Variants in TANC2 observed in about 807,000 individuals in gnomAD.
TANC2 encodes tetratricopeptide repeat, ankyrin repeat and coiled-coil containing 2.
In TANC2, 26 loss-of-function variants were observed where a neutral mutation model predicts 210.5. The ratio of observed to expected loss-of-function variants is 0.12; its 90% confidence interval spans 0.09 to 0.17. The LOEUF (loss-of-function observed/expected upper bound fraction) is 0.17. Ranked by LOEUF, TANC2 falls within the 10% of genes least tolerant of loss-of-function variation. The probability of loss-of-function intolerance (pLI) is 1.00; values close to 1 mark genes in which losing one functional copy is unlikely to be tolerated. For synonymous variants in TANC2, 931 were observed against 967.1 expected (o/e 0.96, Z 0.69); for missense variants, 2,129 against 2,608.9 (o/e 0.82, Z 4.01).
intron 9 of TANC2, among the ~76,000 whole-genome samples, chr17:63,297,580 G>A (rs1431765037): frequency 6.6e-6 from 1 of 152,054 alleles, no homozygotes; most frequent in Admixed American, 6.6e-5. Context: ...CTAACCTACA[G>A]ATAAGAGCTC....
chr17:63,193,943 C>A (rs752659420), intron 5 of TANC2, 48 bp from the exon 6 acceptor site: 29 of 1,557,644 alleles, frequency 1.9e-5, no homozygotes, highest in Non-Finnish European at 2.3e-5. Flanking sequence ...CAGAACTAGA[C>A]CATTTTATTT....
At chr17:63,370,475 G>A (rs1192592294) in intron 14 of TANC2, among the ~76,000 whole-genome samples, 1 of 151,800 alleles carries the variant, frequency 6.6e-6, no homozygotes. Flanking sequence ...ACCACGCCCG[G>A]CCTCCTTAGT....
chr17:63,032,497 A>G (rs1203177914), intron 2 of TANC2, among the ~76,000 whole-genome samples: 2 of 152,096 alleles, frequency 1.3e-5, no homozygotes, highest in South Asian at 2.1e-4. Context: ...TGTAGGAGCT[A>G]TTGCAGCAGC....
chr17:63,422,198 A>G (rs995148132), exon 28 of TANC2: 1 of 458,120 alleles, frequency 2.2e-6, no homozygotes, highest in Non-Finnish European at 3.9e-6. Context: ...TTCAGATGCC[A>G]ACGAGGAGAT....
At chr17:63,135,886 A>T (rs1053560914) in intron 4 of TANC2, among the ~76,000 whole-genome samples, 3 of 152,196 alleles carry the variant, frequency 2.0e-5, no homozygotes, top group Admixed American at 6.5e-5. Context: ...TAATAACGTT[A>T]AACTTATTGG....
chr17:63,134,087 G>A lies in TANC2; in HGVS notation c.323-17183G>A, dbSNP rs140044411. ...TATCCTGTTATAATATGTATTCCAC[G>A]CAAGGGAGTAACTTTCACCTATTAA... On this transcript the variant is annotated intron_variant, in intron 4 of 27. Coordinates refer to ENST00000689528, the Ensembl canonical transcript of TANC2. 4.3e-4 allele frequency among the ~76,000 whole-genome samples: 66 copies of A among 152,140 alleles called. No individual in the cohort carries two copies. The East Asian group carries it at 0.012, about 27-fold the overall frequency.
intron 5 of TANC2, among the ~76,000 whole-genome samples, chr17:63,161,345 G>A (rs2040018780): frequency 6.6e-6 from 1 of 152,142 alleles, no homozygotes; most frequent in Admixed American, 6.5e-5. Context: ...CTGGGTGACA[G>A]AGTGAGACCA....
intron 9 of TANC2, among the ~76,000 whole-genome samples, chr17:63,286,819 A>G (rs1036199516): frequency 3.3e-5 from 5 of 152,032 alleles, no homozygotes; most frequent in Admixed American, 6.5e-5. Flanking sequence ...TATAGTTTCT[A>G]TTCCTTTGTC....
intron 1 of TANC2, among the ~76,000 whole-genome samples, chr17:62,979,647 C>T (rs147443876): frequency 1.3e-3 from 194 of 152,298 alleles, no homozygotes; most frequent in Admixed American, 7.8e-3. Context: ...CGGTGGCTCA[C>T]GCCTTTAGTA....
intron 25 of TANC2, chr17:63,414,355 CTG>C (rs1369327935): frequency 6.6e-6 from 1 of 152,200 alleles, no homozygotes; most frequent in African/African-American, 2.4e-5. Context: ...TTATTCTCAC[CTG>C]TGTCAGGAGT....
At chr17:63,035,782 A>G (rs1488471969) in intron 2 of TANC2, among the ~76,000 whole-genome samples, 1 of 152,206 alleles carries the variant, frequency 6.6e-6, no homozygotes, top group Non-Finnish European at 1.5e-5. Context: ...GGAACTGCCA[A>G]GCAGTTTTCC....
intron 14 of TANC2, among the ~76,000 whole-genome samples, chr17:63,361,567 C>T (rs969881416): frequency 4.6e-5 from 7 of 152,198 alleles, no homozygotes; most frequent in South Asian, 2.1e-4. Context: ...TGCGGTGGCA[C>T]CTGGAAGCTT....
Position 63,418,242 on chromosome 17 carries a change from A to G in TANC2, c.4168-65A>G. On this transcript the variant is annotated intron_variant, in intron 26 of 27. Transcript: ENST00000689528. The surrounding 1 kb of genome is among the most constrained non-coding windows in gnomAD (Gnocchi z 4.6). ...AAAAAATGTACAAATAATTTGTTTTATTCCCAAGTTGTCTATTTTTTATAT... is the reference window on the plus strand; with the variant it reads ...AAAAAATGTACAAATAATTTGTTTTGTTCCCAAGTTGTCTATTTTTTATAT... 6.8e-7 allele frequency: 1 copy of G among 1,469,890 alleles called. No homozygotes were observed. Among genetic ancestry groups the G allele is most frequent in the Non-Finnish European group, 9.3e-7 (1 of 1,071,180 alleles). The allele number at this position is 1,469,890 out of a possible 1,614,324, so 91.1% of individuals were successfully genotyped here.
intron 7 of TANC2, among the ~76,000 whole-genome samples, chr17:63,203,552 T>C (rs550758644): frequency 6.6e-6 from 1 of 152,332 alleles, no homozygotes; most frequent in East Asian, 1.9e-4. Context: ...TATAAAATTG[T>C]CTCATTTTAA....
At chr17:63,322,476 C>T (rs2045525819) in intron 11 of TANC2, among the ~76,000 whole-genome samples, 3 of 152,050 alleles carry the variant, frequency 2.0e-5, no homozygotes, top group South Asian at 2.1e-4. Context: ...CCAGCCTGGG[C>T]GACAGAGCAA....
chr17:62,984,636 C>T (rs1352220154), intron 1 of TANC2, among the ~76,000 whole-genome samples: 2 of 152,032 alleles, frequency 1.3e-5, no homozygotes, highest in Admixed American at 6.6e-5. Context: ...TGCTGTCTCT[C>T]ATAGGTTTTT....
chr17:63,082,008 AC>A (rs1256352916), intron 3 of TANC2, among the ~76,000 whole-genome samples: 1 of 150,160 alleles, frequency 6.7e-6, no homozygotes, highest in Non-Finnish European at 1.5e-5. Flanking sequence ...TACTAAAAAT[AC>A]AAAAAAAAAA....
At chr17:63,220,713 A>ATATAT (rs1302451440) in intron 7 of TANC2, among the ~76,000 whole-genome samples, 13 of 140,562 alleles carry the variant, frequency 9.2e-5, no homozygotes, top group African/African-American at 2.7e-4. Flanking sequence ...CAAAAAAAAA[A>ATATAT]AAAAAAATAT....
At chr17:63,196,156 G>A (rs886926756) in intron 6 of TANC2, among the ~76,000 whole-genome samples, 1 of 152,126 alleles carries the variant, frequency 6.6e-6, no homozygotes, top group Non-Finnish European at 1.5e-5. Flanking sequence ...TACATGTTTA[G>A]TTGTGGGGTT....
Sources: gnomAD v4.1 joint callset for allele counts (sites outside exome capture counted in the v4.1 genomes callset) on GRCh38, gnomAD v4.1.1 for gene constraint, Gnocchi (gnomAD v3.1) non-coding constraint, MANE v1.5 for transcripts, NCBI Gene and HGNC (gene_info 2026-07-23, HGNC 2026-07-21) for gene names.